Variants in PKHD1 observed in about 807,000 individuals in gnomAD.
PKHD1 encodes the protein fibrocystin.
In PKHD1, 291 loss-of-function variants were observed where a neutral mutation model predicts 412.0. The ratio of observed to expected loss-of-function variants is 0.71; its 90% CI spans 0.64 to 0.78. The LOEUF (loss-of-function observed/expected upper bound fraction) is 0.78. PKHD1 is among the 30% of genes least tolerant of loss of function. The pLI is 0.00. For synonymous variants in PKHD1, 1,777 were observed against 1,821.5 expected, an observed-to-expected ratio of 0.98 and a Z score of 0.62; for missense variants, 4,825 against 4,950.7, an observed-to-expected ratio of 0.97 and a Z score of 0.76.
At chr6:52,047,491 A>G (rs1184195198) in intron 23 of PKHD1, among the ~76,000 whole-genome samples, 2 of 152,206 alleles carry the variant, frequency 1.3e-5, no homozygotes, top group Non-Finnish European at 2.9e-5. Context: ...TTTCTACCAA[A>G]TAAGTAACGT....
intron 43 of PKHD1, 83 bp downstream of exon 43, chr6:51,903,514 G>A (rs1781585644): frequency 8.2e-7 from 1 of 1,222,178 alleles, no homozygotes; most frequent in Non-Finnish European, 1.2e-6. Context: ...GCCCAGGGAA[G>A]CCAAAAGGTT....
intron 53 of PKHD1, among the ~76,000 whole-genome samples, chr6:51,779,334 T>C (rs1791589889): frequency 6.6e-6 from 1 of 152,094 alleles, no homozygotes; most frequent in South Asian, 2.1e-4. Flanking sequence ...CGGCCAACTC[T>C]TACATACTTT....
chr6:51,754,844 C>A lies in PKHD1; in HGVS notation c.8737G>T (p.Val2913Leu). ...ACATGGTGGCCCTTGACTTCTTTCA[C>A]AGTGAGGACCTCTGCTTCATGAGGC... The part of the protein sequence containing the change: ...YEPHEAEVLT[V>L]KEVKGHHVRI... Residue 2913 changes from valine (V) to leucine (L), a missense_variant, in exon 56 of 67, where the codon GTG (valine) becomes TTG (leucine). Transcript: ENST00000371117. The A allele has an allele frequency of 2.5e-6, 4 of 1,613,422 alleles. No individual in the cohort carries two copies. The highest frequency in any genetic ancestry group is 2.5e-6 in the Non-Finnish European group (3 of 1,179,424).
At position 52,046,122 on chromosome 6, in the gene PKHD1, G is replaced by A. The variant is rs748577513; in HGVS notation, c.2474C>T (p.Thr825Ile). ...GTCACTGGCATTGAGGTACCTGGATGTGAAGTCATCGGCATTATTCTGTAA... is the reference window on the plus strand; with the variant it reads ...GTCACTGGCATTGAGGTACCTGGATATGAAGTCATCGGCATTATTCTGTAA... ...QLLQNNADDF[T>I]SRYLNASDFT... Residue 825 changes from threonine to isoleucine, a missense_variant, in exon 24 of 67, where the codon ACA (threonine) becomes ATA (isoleucine). Thr to Ile is a moderately conservative substitution (Grantham distance 89). Coordinates refer to ENST00000371117, the MANE Select transcript of PKHD1 (RefSeq NM_138694.4). The A allele has an allele frequency of 6.2e-7, 1 of 1,613,446 alleles. No homozygotes were observed. The highest frequency in any genetic ancestry group is 1.1e-5 in the South Asian group (1 of 91,074).
chr6:51,673,711 A>G (rs765404560), intron 60 of PKHD1, among the ~76,000 whole-genome samples: 5 of 152,160 alleles, frequency 3.3e-5, no homozygotes, highest in East Asian at 1.9e-4. Context: ...TCGGAGGGGC[A>G]GGGGTTTTAT....
chr6:51,619,277 T>TTAC lies in PKHD1; in HGVS notation c.12028_12029insGTA (p.Gln4010delinsArgLys), dbSNP rs1766312639. ...CAGCAGCTGATTTTGGCCTGCCAGC[T>TTAC]GGTATCTGAGCAACTGCTCTTGGCC... On this transcript the variant is annotated protein_altering_variant, in exon 67 of 67. Coordinates refer to ENST00000371117, the MANE Select transcript of PKHD1 (RefSeq NM_138694.4). 6.2e-7 allele frequency: 1 copy of TTAC among 1,614,144 alleles called. No homozygotes were observed. The highest frequency in any genetic ancestry group is 1.3e-5 in the African/African-American group (1 of 74,962).
chr6:51,899,373 A>T (rs1430041432), intron 43 of PKHD1, among the ~76,000 whole-genome samples: 1 of 152,164 alleles, frequency 6.6e-6, no homozygotes, highest in Admixed American at 6.5e-5. Context: ...TACGCAAATC[A>T]ATAAATGTAA....
chr6:51,659,054 T>C lies in PKHD1; in HGVS notation c.11072A>G (p.His3691Arg). ...LSSNKLQNLA[H>R]RVITAQQTGV... Reference sequence around the variant, plus strand: ...AGTCTGTTGAGCAGTGATGACTCGATGAGCCAAATTCTGTAATTTGTTACT... The same window carrying C: ...AGTCTGTTGAGCAGTGATGACTCGACGAGCCAAATTCTGTAATTTGTTACT... The change falls in exon 61 of 67, where the codon CAT (histidine) becomes CGT (arginine). Residue 3691 changes from histidine to arginine, a missense_variant. By Grantham distance (29) the His-to-Arg change is conservative. Coordinates refer to ENST00000371117, the MANE Select transcript of PKHD1 (RefSeq NM_138694.4). The C allele has an allele frequency of 6.2e-7, 1 of 1,613,588 alleles. No homozygotes were observed. Among genetic ancestry groups the C allele is most frequent in the Middle Eastern group, 1.7e-4 (1 of 6,056 alleles).
At chr6:51,631,571 T>G (rs886277586) in intron 65 of PKHD1, among the ~76,000 whole-genome samples, 1 of 152,156 alleles carries the variant, frequency 6.6e-6, no homozygotes, top group Non-Finnish European at 1.5e-5. Flanking sequence ...TCTCCTCTTT[T>G]AAACTTCACT....
intron 14 of PKHD1, among the ~76,000 whole-genome samples, chr6:52,061,457 T>C (rs1383040811): frequency 6.6e-6 from 1 of 152,034 alleles, no homozygotes; most frequent in Non-Finnish European, 1.5e-5. Flanking sequence ...GCTCAAGCCA[T>C]AGCATCCAGC....
Position 52,033,081 on chromosome 6 carries a change from A to G in PKHD1, c.3313T>C (p.Ser1105Pro), listed in dbSNP as rs201721915. Residue 1105 changes from serine (S) to proline (P), a missense_variant, in exon 29 of 67, where the codon TCC becomes CCC. Transcript: ENST00000371117. ...AGAGTCACAATAACTGGATTTAAGG[A>G]AGAGACATATGTAAATGCTCTGGGA... ...VLPRAFTYVSSLNPVIVTLSR... is the reference protein window; with the variant it reads ...VLPRAFTYVSPLNPVIVTLSR... The G allele has an allele frequency of 2.5e-6, 4 of 1,612,062 alleles. No homozygotes were observed. In the East Asian group the frequency reaches 8.9e-5, roughly 36 times the overall value.
chr6:51,967,529 G>A (rs930964726), intron 35 of PKHD1, among the ~76,000 whole-genome samples: 3 of 152,166 alleles, frequency 2.0e-5, no homozygotes, highest in African/African-American at 7.2e-5. Context: ...ACATCTTAGT[G>A]AAGGATATAC....
intron 37 of PKHD1, among the ~76,000 whole-genome samples, chr6:51,920,671 T>G (rs1032438696): frequency 3.9e-5 from 6 of 152,230 alleles, no homozygotes; most frequent in Non-Finnish European, 7.3e-5. Flanking sequence ...CTTTTTCTAT[T>G]GATTGGAATA....
chr6:51,883,364 A>G (rs1777683818), intron 45 of PKHD1, 137 bp from the exon 46 acceptor site: 1 of 761,248 alleles, frequency 1.3e-6, no homozygotes, highest in Non-Finnish European at 2.2e-6. Context: ...CATCAATGTC[A>G]GTATAGGCAT....
At chr6:51,980,027 C>T (rs1369100299) in intron 35 of PKHD1, among the ~76,000 whole-genome samples, 3 of 152,234 alleles carry the variant, frequency 2.0e-5, no homozygotes, top group East Asian at 1.9e-4. Flanking sequence ...GTTTTAAGGA[C>T]AAGGACTATA....
chr6:51,815,288 AAAGT>A (rs1400898632), intron 52 of PKHD1, among the ~76,000 whole-genome samples: 2 of 152,206 alleles, frequency 1.3e-5, no homozygotes, highest in African/African-American at 4.8e-5. Flanking sequence ...AGGTGACATA[AAAGT>A]AAGTAATATT....
chr6:51,789,641 G>A (rs951841660), intron 53 of PKHD1, among the ~76,000 whole-genome samples: 1 of 152,026 alleles, frequency 6.6e-6, no homozygotes, highest in African/African-American at 2.4e-5. Context: ...TTTGCACTTG[G>A]AAATATTTGC....
At chr6:51,740,017 C>A (rs374674325) in intron 60 of PKHD1, 13 of 518,804 alleles carry the variant, frequency 2.5e-5, no homozygotes, top group Non-Finnish European at 5.0e-5. Flanking sequence ...ATGCTTTGTT[C>A]TTCTAAATGA....
chr6:51,956,328 GTGTA>G (rs140787740), intron 36 of PKHD1, among the ~76,000 whole-genome samples: 1 of 140,574 alleles, frequency 7.1e-6, no homozygotes, highest in Non-Finnish European at 1.6e-5. Flanking sequence ...GTGTGTGTGT[GTGTA>G]ATCAGTGAGA....
Sources: gnomAD v4.1 joint callset for allele counts (sites outside exome capture counted in the v4.1 genomes callset) on GRCh38, gnomAD v4.1.1 for gene constraint, MANE v1.5 for transcripts, NCBI Gene and HGNC (gene_info 2026-07-23, HGNC 2026-07-21) for gene names.